ATXN1: variants seen among roughly 807,000 people sequenced by gnomAD.
The protein encoded by ATXN1 is ataxin 1.
ATXN1 carries 8 observed loss-of-function variants against 56.4 expected under a neutral mutation model. The observed-to-expected ratio is 0.14, with a 90% CI of 0.08 to 0.26. ATXN1 has a LOEUF of 0.26. Among genes scored for constraint, ATXN1 ranks in the 10% least tolerant of loss-of-function variants. The pLI is 1.00. For missense variants in ATXN1, 987 were observed against 1,106.5 expected, an observed-to-expected ratio of 0.89 and a Z score of 1.53; for synonymous variants, 514 against 494.6, an observed-to-expected ratio of 1.04 and a Z score of -0.52.
At chr6:16,511,970 C>T (rs1761089432) in intron 5 of ATXN1, among the ~76,000 whole-genome samples, 1 of 152,208 alleles carries the variant, frequency 6.6e-6, no homozygotes, top group South Asian at 2.1e-4. Flanking sequence ...AATGGCAAGA[C>T]TAACCTTGCC....
intron 2 of ATXN1, among the ~76,000 whole-genome samples, chr6:16,745,937 T>TGC (rs1760519685): frequency 2.4e-5 from 1 of 41,748 alleles, no homozygotes; most frequent in South Asian, 7.8e-4. Flanking sequence ...GCCTTCCGTG[T>TGC]GTGTGTGTGT....
chr6:16,757,276 T>C (rs1760914686), intron 1 of ATXN1, among the ~76,000 whole-genome samples: 1 of 152,236 alleles, frequency 6.6e-6, no homozygotes, highest in African/African-American at 2.4e-5. Flanking sequence ...GGAAAAATAT[T>C]GCCTTTGGCG....
intron 2 of ATXN1, among the ~76,000 whole-genome samples, chr6:16,658,341 C>CT (rs1470664217): frequency 6.6e-6 from 1 of 152,154 alleles, no homozygotes; most frequent in African/African-American, 2.4e-5. Flanking sequence ...GATGTGAATA[C>CT]TTTTTAAATA....
intron 6 of ATXN1, among the ~76,000 whole-genome samples, chr6:16,425,353 G>C (rs1032913471): frequency 8.5e-5 from 13 of 152,190 alleles, no homozygotes; most frequent in Admixed American, 2.6e-4. Context: ...TTTCGGTAAA[G>C]GAGAATTTGA....
rs1312968273 is a variant in ATXN1 at position 16,326,318 on chromosome 6, C to G, written c.1917+76G>C. On this transcript the variant is annotated intron_variant, in intron 7 of 7. Coordinates refer to ENST00000436367, the MANE Select transcript of ATXN1 (RefSeq NM_001128164.2). The surrounding 1 kb of genome is among the most constrained non-coding windows in gnomAD (Gnocchi z 6.6). ...AACCCTTAATCCTGCCTCATAGAAG[C>G]AATTCGTCTTGCCAGGAGATGATGA... is the stretch of plus-strand genomic sequence containing the variant. The G allele has an allele frequency of 1.1e-5, 18 of 1,575,002 alleles. No individual in the cohort carries two copies. The South Asian group carries it at 1.5e-4, about 13-fold the overall frequency.
At chr6:16,515,742 G>A (rs148580499) in intron 5 of ATXN1, among the ~76,000 whole-genome samples, 9 of 152,234 alleles carry the variant, frequency 5.9e-5, no homozygotes, top group East Asian at 5.8e-4. Context: ...GCCCCTCTTC[G>A]TTGATCTGGA....
At chr6:16,461,615 G>A (rs1349681656) in intron 6 of ATXN1, among the ~76,000 whole-genome samples, 1 of 152,224 alleles carries the variant, frequency 6.6e-6, no homozygotes, top group Non-Finnish European at 1.5e-5. Context: ...AAATTGGATA[G>A]AAGCCTTCCC....
chr6:16,592,364 G>A (rs1300704518), intron 3 of ATXN1, among the ~76,000 whole-genome samples: 1 of 152,130 alleles, frequency 6.6e-6, no homozygotes, highest in Non-Finnish European at 1.5e-5. Context: ...GAAAAGGTGA[G>A]GGCCTGGCTG....
intron 5 of ATXN1, among the ~76,000 whole-genome samples, chr6:16,511,022 T>C (rs2113683855): frequency 6.6e-6 from 1 of 152,348 alleles, no homozygotes; most frequent in East Asian, 1.9e-4. Context: ...AGTAGACTTA[T>C]AATACAGATT....
intron 6 of ATXN1, among the ~76,000 whole-genome samples, chr6:16,332,753 C>A (rs572306525): frequency 2.0e-5 from 3 of 152,188 alleles, no homozygotes; most frequent in Non-Finnish European, 2.9e-5. Context: ...TGAATACATT[C>A]ATCTTAAGCC....
At chr6:16,463,833 G>A (rs1760047285) in intron 6 of ATXN1, among the ~76,000 whole-genome samples, 1 of 152,184 alleles carries the variant, frequency 6.6e-6, no homozygotes, top group Non-Finnish European at 1.5e-5. Flanking sequence ...TTCGGGCCCT[G>A]TGTTTTTAAC....
intron 6 of ATXN1, among the ~76,000 whole-genome samples, chr6:16,407,963 T>C (rs892590402): frequency 1.3e-5 from 2 of 152,110 alleles, no homozygotes; most frequent in African/African-American, 2.4e-5. Flanking sequence ...GCTTGCTGTG[T>C]GAGGAAGGAA....
chr6:16,311,043 T>A (rs180005), intron 7 of ATXN1, among the ~76,000 whole-genome samples: 146,730 of 152,066 alleles, frequency 0.96, 70,834 homozygotes, highest in East Asian at 1. Flanking sequence ...ATGAACCCCT[T>A]CTCCTGTGTG....
intron 6 of ATXN1, among the ~76,000 whole-genome samples, chr6:16,379,125 T>C (rs946739144): frequency 7.9e-5 from 12 of 152,162 alleles, no homozygotes; most frequent in South Asian, 2.1e-4. Context: ...CTGGATGAGA[T>C]TGGAGACTAT....
At chr6:16,700,880 A>G (rs1759268821) in intron 2 of ATXN1, among the ~76,000 whole-genome samples, 1 of 152,184 alleles carries the variant, frequency 6.6e-6, no homozygotes, top group Non-Finnish European at 1.5e-5. Flanking sequence ...AAGAAAAAGA[A>G]ACCAGCTAAA....
At chr6:16,577,226 T>TA (rs1469764472) in intron 4 of ATXN1, among the ~76,000 whole-genome samples, 2 of 152,122 alleles carry the variant, frequency 1.3e-5, no homozygotes, top group African/African-American at 4.8e-5. Flanking sequence ...ATATTTACTA[T>TA]AAAATCTTGT....
chr6:16,458,507 C>T (rs1310008724), intron 6 of ATXN1, among the ~76,000 whole-genome samples: 1 of 152,064 alleles, frequency 6.6e-6, no homozygotes, highest in East Asian at 1.9e-4. Context: ...AGCCCTTGGC[C>T]CTGAACAAAA....
Position 16,727,508 on chromosome 6 carries a change from T to G in ATXN1, c.-615+25725A>C, listed in dbSNP as rs902531337. ...AGAAGAAATATAGTTTTAACTCTCTTAAGTACTTATAAAAAAATTTCAAAA... is the reference window on the plus strand; with the variant it reads ...AGAAGAAATATAGTTTTAACTCTCTGAAGTACTTATAAAAAAATTTCAAAA... On this transcript the variant is annotated intron_variant, in intron 2 of 7. Transcript: ENST00000436367. Among the ~76,000 whole-genome samples, 16 of 152,234 alleles carry G rather than the reference T, an allele frequency of 1.1e-4. No individual in the cohort carries two copies. In the East Asian group the frequency reaches 3.1e-3, roughly 29 times the overall value.
At chr6:16,675,836 C>T (rs530294676) in intron 2 of ATXN1, among the ~76,000 whole-genome samples, 7 of 152,092 alleles carry the variant, frequency 4.6e-5, no homozygotes, top group African/African-American at 1.2e-4. Flanking sequence ...CTGCAGTGAG[C>T]CAAGATTGCA....
Sources: allele counts gnomAD v4.1 joint callset (sites outside exome capture counted in the v4.1 genomes callset), GRCh38; gene constraint gnomAD v4.1.1; non-coding constraint Gnocchi (gnomAD v3.1); transcripts MANE v1.5; gene names NCBI Gene and HGNC (gene_info 2026-07-23, HGNC 2026-07-21).